The following ZNF804B variants were observed in gnomAD, a reference collection of about 807,000 sequenced individuals.
ZNF804B encodes zinc finger protein 804B.
Under a neutral mutation model 101.4 loss-of-function variants are expected in ZNF804B, and 80 were observed. That is an observed-to-expected ratio of 0.79 (90% CI 0.66 to 0.95). ZNF804B has a LOEUF of 0.95. Ranked by LOEUF, ZNF804B falls within the 40% of genes least tolerant of loss-of-function variation. The pLI, the probability that ZNF804B is intolerant of heterozygous loss-of-function variation, is 0.00. For missense variants in ZNF804B, 1,673 were observed against 1,561.9 expected, an observed-to-expected ratio of 1.07 and a Z score of -1.20; for synonymous variants, 622 against 558.8, an observed-to-expected ratio of 1.11 and a Z score of -1.59.
At chr7:88,936,006 C>CT (rs533202350) in intron 1 of ZNF804B, among the ~76,000 whole-genome samples, 9 of 148,772 alleles carry the variant, frequency 6.0e-5, no homozygotes, top group Middle Eastern at 3.4e-3. Flanking sequence ...TCCTCCATTT[C>CT]TTTTTTTCTT....
intron 2 of ZNF804B, among the ~76,000 whole-genome samples, chr7:89,263,744 G>C (rs1789744033): frequency 6.6e-6 from 1 of 152,144 alleles, no homozygotes; most frequent in Non-Finnish European, 1.5e-5. Flanking sequence ...TGTAAAGATA[G>C]AGGCAAAGAT....
At chr7:88,854,418 T>TCTTTCTTC (rs1491578190) in intron 1 of ZNF804B, among the ~76,000 whole-genome samples, 413 of 85,008 alleles carry the variant, frequency 4.9e-3, no homozygotes, top group Middle Eastern at 0.011. Flanking sequence ...TTTCTTCCTT[T>TCTTTCTTC]CTTTCTTTCT....
chr7:88,979,180 G>A (rs1018773954), intron 1 of ZNF804B, among the ~76,000 whole-genome samples: 3 of 151,792 alleles, frequency 2.0e-5, no homozygotes, highest in South Asian at 4.1e-4. Context: ...TCATTTTTTA[G>A]TCTTTCTACT....
At chr7:89,090,265 T>C (rs1789863457) in intron 1 of ZNF804B, among the ~76,000 whole-genome samples, 1 of 152,034 alleles carries the variant, frequency 6.6e-6, no homozygotes, top group Non-Finnish European at 1.5e-5. Flanking sequence ...CTTTACCTCA[T>C]AGAAGGTTCC....
chr7:89,102,738 T>C (rs188345849), intron 1 of ZNF804B, among the ~76,000 whole-genome samples: 3 of 152,104 alleles, frequency 2.0e-5, no homozygotes, highest in East Asian at 3.9e-4. Flanking sequence ...GGAGTCTTTG[T>C]CATAAATTAT....
chr7:88,902,599 A>T (rs1792409114), intron 1 of ZNF804B, among the ~76,000 whole-genome samples: 1 of 152,034 alleles, frequency 6.6e-6, no homozygotes, highest in Non-Finnish European at 1.5e-5. Context: ...AGTCCATTAA[A>T]GAGATAATGA....
intron 2 of ZNF804B, among the ~76,000 whole-genome samples, chr7:89,280,949 A>T (rs1046862632): frequency 6.6e-6 from 1 of 152,202 alleles, no homozygotes; most frequent in Non-Finnish European, 1.5e-5. Flanking sequence ...TGTCTGTAAC[A>T]TTAAGTCTAA....
At chr7:89,111,454 T>C (rs1330648655) in intron 1 of ZNF804B, among the ~76,000 whole-genome samples, 1 of 152,020 alleles carries the variant, frequency 6.6e-6, no homozygotes. Flanking sequence ...CTTGTTGTTT[T>C]AATTTGTAGC....
chr7:88,778,875 A>T (rs868657089), intron 1 of ZNF804B, among the ~76,000 whole-genome samples: 1 of 152,206 alleles, frequency 6.6e-6, no homozygotes, highest in African/African-American at 2.4e-5. Flanking sequence ...GCAGTCTAGC[A>T]TGGAAAGTGC....
intron 1 of ZNF804B, among the ~76,000 whole-genome samples, chr7:88,995,325 TATG>T (rs959161155): frequency 1.3e-5 from 2 of 152,052 alleles, no homozygotes; most frequent in African/African-American, 2.4e-5. Context: ...AAACAATATA[TATG>T]ATATTAGCAG....
intron 1 of ZNF804B, among the ~76,000 whole-genome samples, chr7:88,907,156 C>CT (rs1003639452): frequency 1.1e-4 from 17 of 151,980 alleles, no homozygotes; most frequent in African/African-American, 2.4e-4. Context: ...TATTAGCTGT[C>CT]TTTTTATAAA....
intron 1 of ZNF804B, among the ~76,000 whole-genome samples, chr7:88,940,108 T>A (rs940635323): frequency 3.9e-5 from 6 of 152,022 alleles, no homozygotes; most frequent in African/African-American, 1.4e-4. Flanking sequence ...TATGTACTTA[T>A]TCATAAATAC....
At chr7:88,839,478 AGGT>A (rs1360417807) in intron 1 of ZNF804B, among the ~76,000 whole-genome samples, 2 of 152,020 alleles carry the variant, frequency 1.3e-5, no homozygotes, top group Non-Finnish European at 2.9e-5. Context: ...CACAGCTATT[AGGT>A]GGCAAATCTG....
At chr7:88,827,062 C>A (rs1001724281) in intron 1 of ZNF804B, among the ~76,000 whole-genome samples, 3 of 151,948 alleles carry the variant, frequency 2.0e-5, no homozygotes, top group African/African-American at 7.2e-5. Flanking sequence ...TATTTTGTGA[C>A]CATTATGTCT....
chr7:88,931,438 T>G (rs1276084978), intron 1 of ZNF804B, among the ~76,000 whole-genome samples: 1 of 151,888 alleles, frequency 6.6e-6, no homozygotes, highest in Non-Finnish European at 1.5e-5. Flanking sequence ...ATTATTTACA[T>G]AAGGATACAG....
intron 1 of ZNF804B, among the ~76,000 whole-genome samples, chr7:88,983,021 C>A (rs1232252042): frequency 6.6e-6 from 1 of 152,182 alleles, no homozygotes; most frequent in African/African-American, 2.4e-5. Context: ...ACTAGCAGTT[C>A]TCATTCCAAA....
intron 2 of ZNF804B, among the ~76,000 whole-genome samples, chr7:89,286,322 A>G (rs1163421845): frequency 6.6e-6 from 1 of 152,212 alleles, no homozygotes; most frequent in Admixed American, 6.5e-5. Context: ...AGCTGTCAAC[A>G]GTATGAAAGA....
chr7:89,040,215 A>G (rs1057129411), intron 1 of ZNF804B, among the ~76,000 whole-genome samples: 3 of 151,388 alleles, frequency 2.0e-5, no homozygotes, highest in African/African-American at 4.9e-5. Flanking sequence ...TTATTTATTT[A>G]TATCTCATAA....
chr7:89,253,057 A>G (rs1789566792), intron 2 of ZNF804B, among the ~76,000 whole-genome samples: 1 of 152,258 alleles, frequency 6.6e-6, no homozygotes, highest in Non-Finnish European at 1.5e-5. Context: ...AGTTAACATA[A>G]ATAAGGACAG....
Sources: gnomAD v4.1 joint callset for allele counts (sites outside exome capture counted in the v4.1 genomes callset) on GRCh38, gnomAD v4.1.1 for gene constraint, MANE v1.5 for transcripts, NCBI Gene and HGNC (gene_info 2026-07-23, HGNC 2026-07-21) for gene names.